POFUT2: variants seen among roughly 807,000 people sequenced by gnomAD.
POFUT2 encodes the protein protein O-fucosyltransferase 2, also known as GDP-fucose protein O-fucosyltransferase 2.
POFUT2 carries 30 observed loss-of-function variants against 55.0 expected under a neutral mutation model. That is an observed-to-expected ratio of 0.55 (90% confidence interval 0.41 to 0.74). The LOEUF is 0.74. POFUT2 is among the 30% of genes least tolerant of loss of function. POFUT2 has a pLI of 0.00. For missense variants in POFUT2, 524 were observed against 562.6 expected, an observed-to-expected ratio of 0.93 and a Z score of 0.69; for synonymous variants, 267 against 231.1, an observed-to-expected ratio of 1.16 and a Z score of -1.41.
At chr21:45,279,448 A>G (rs1324695206) in intron 4 of POFUT2, among the ~76,000 whole-genome samples, 1 of 152,232 alleles carries the variant, frequency 6.6e-6, no homozygotes, top group Non-Finnish European at 1.5e-5. Context: ...ACAGAGAAAA[A>G]ATGAGCAACA....
At chr21:45,287,224 C>T (rs1321400700) in intron 1 of POFUT2, among the ~76,000 whole-genome samples, 3 of 131,542 alleles carry the variant, frequency 2.3e-5, no homozygotes, top group African/African-American at 5.8e-5. Flanking sequence ...TGCCCCTGTC[C>T]CGTCCCCGTC....
rs2093269860 is a variant in POFUT2, at chr21:45,276,932, G to A, written c.831+85C>T. On this transcript the variant is annotated intron_variant, in intron 6 of 8. Coordinates refer to ENST00000349485, the MANE Select transcript of POFUT2 (RefSeq NM_133635.6). ...CGCCCACAGACACGCCAACCCTGCT[G>A]TGACTTTACATGGAAGGCCTGAGTG... 6 of 1,465,610 alleles carry A rather than the reference G, an allele frequency of 4.1e-6. 1 individual carries two copies. The South Asian group carries it at 6.1e-5, about 15-fold the overall frequency. 90.8% of individuals were successfully genotyped at this position (1,465,610 alleles called of 1,614,324 possible).
chr21:45,286,772 C>G lies in POFUT2; in HGVS notation c.132-844G>C, dbSNP rs527588170. Among the ~76,000 whole-genome samples, 9 of 152,386 alleles carry G rather than the reference C, an allele frequency of 5.9e-5. No individual in the cohort carries two copies. In the South Asian group the frequency reaches 1.0e-3, roughly 18 times the overall value. On this transcript the variant is annotated intron_variant, in intron 1 of 8. Coordinates refer to ENST00000349485, the MANE Select transcript of POFUT2 (RefSeq NM_133635.6). The stretch of plus-strand genomic sequence containing the variant: ...CTGCTCTGCGCTGGTTTTCCATACT[C>G]CCATCGTCGCGAGTGAAGCTGCGTG...
At position 45,270,637 on chromosome 21, in the gene POFUT2, C is replaced by G. The variant is rs578040227; in HGVS notation, c.832-618G>C. ...ACAAAACTACAACCAAGGACCCCCC[C>G]AGAGTCCACTTCACTCCCCCGCCAC... On this transcript the variant is annotated intron_variant, in intron 6 of 8. Coordinates refer to ENST00000349485, the MANE Select transcript of POFUT2 (RefSeq NM_133635.6). The surrounding 1 kb of genome is among the most constrained non-coding windows in gnomAD (Gnocchi z 4.6). Among the ~76,000 whole-genome samples the G allele has an allele frequency of 6.6e-6, 1 of 152,354 alleles. No individual in the cohort carries two copies. Among genetic ancestry groups the G allele is most frequent in the South Asian group, 2.1e-4 (1 of 4,828 alleles).
rs777339128 is a variant in POFUT2 at position 45,269,858 on chromosome 21, G to C, written c.993C>G (p.Ala331=). Reference sequence around the variant, plus strand: ...CCATACCCTTTCTGACGGCATCTGTGGCCACAAACACCTTGTCCAGCCGGT... The same window carrying C: ...CCATACCCTTTCTGACGGCATCTGTCGCCACAAACACCTTGTCCAGCCGGT... The part of the protein sequence containing the change: ...KTHRLDKVFV[A]TDAVRKEYEE... Residue 331 remains alanine (A), a synonymous_variant, in exon 7 of 9, where the codon GCC becomes GCG. Transcript: ENST00000349485. 45 of 1,605,376 alleles carry C rather than the reference G, an allele frequency of 2.8e-5. No homozygotes were observed. The highest frequency in any genetic ancestry group is 3.5e-5 in the Admixed American group (2 of 57,248).
rs1456692099 is a variant in POFUT2, at chr21:45,284,633, C to T, written c.382+1045G>A. Reference sequence around the variant, plus strand: ...TGGATGCCCAAGGCCCAGACCTGTCCGCTTCCCTGTCAGGAAACCCACTGG... The same window carrying T: ...TGGATGCCCAAGGCCCAGACCTGTCTGCTTCCCTGTCAGGAAACCCACTGG... On this transcript the variant is annotated intron_variant, in intron 2 of 8. Transcript: ENST00000349485. The surrounding 1 kb of genome is among the most constrained non-coding windows in gnomAD (Gnocchi z 5.8). Among the ~76,000 whole-genome samples, 3 of 152,178 alleles carry T rather than the reference C, an allele frequency of 2.0e-5. No homozygotes were observed. Among genetic ancestry groups the T allele is most frequent in the Admixed American group, 6.5e-5 (1 of 15,278 alleles).
chr21:45,282,269 G>A lies in POFUT2; in HGVS notation c.638+80C>T. ...GGTGGGCCAGGGATGCGGGAGTATGGGCGGAGAGCCCCCAGCCCAGCATGC... is the reference window on the plus strand; with the variant it reads ...GGTGGGCCAGGGATGCGGGAGTATGAGCGGAGAGCCCCCAGCCCAGCATGC... On this transcript the variant is annotated intron_variant, in intron 4 of 8. Coordinates refer to ENST00000349485, the MANE Select transcript of POFUT2 (RefSeq NM_133635.6). The surrounding 1 kb of genome is among the most constrained non-coding windows in gnomAD (Gnocchi z 4.6). 1 of 929,860 alleles carries A rather than the reference G, an allele frequency of 1.1e-6. No homozygotes were observed. The highest frequency in any genetic ancestry group is 1.7e-6 in the Non-Finnish European group (1 of 579,998). The allele number at this position is 929,860 out of a possible 1,614,324, so 57.6% of individuals were successfully genotyped here.
chr21:45,274,693 A>G (rs965903009), intron 6 of POFUT2, among the ~76,000 whole-genome samples: 1 of 152,250 alleles, frequency 6.6e-6, no homozygotes, highest in Non-Finnish European at 1.5e-5. Context: ...CAAAGCAAAC[A>G]AAAACATAAA....
chr21:45,278,207 G>C lies in POFUT2; in HGVS notation c.639-38C>G, dbSNP rs775017198. 5 of 1,538,446 alleles carry C rather than the reference G, an allele frequency of 3.3e-6. No individual in the cohort carries two copies. In the South Asian group the frequency reaches 4.5e-5, roughly 14 times the overall value. On this transcript the variant is annotated intron_variant, in intron 4 of 8. Transcript: ENST00000349485. The stretch of plus-strand genomic sequence containing the variant: ...AACAGAAGAATAAACAGTTATAAGA[G>C]TTAAGGATGATGACATTCACACTCT...
In POFUT2 at chr21:45,284,348, C is replaced by G. The variant is rs114428891; in HGVS notation, c.383-821G>C. On this transcript the variant is annotated intron_variant, in intron 2 of 8. Transcript: ENST00000349485. This position sits in a 1 kb window ranked among gnomAD's most constrained non-coding sequence, Gnocchi z 5.8. ...GCCTAAGGGCCTGAGGCCACAGCTG[C>G]GGGGGCTTCTTTTAGGCTAGTGGGA... Among the ~76,000 whole-genome samples, 3,172 of 152,264 alleles carry G rather than the reference C, an allele frequency of 0.021. 121 individuals are homozygous for G. Among genetic ancestry groups the G allele is most frequent in the African/African-American group, 0.072 (2,997 of 41,518 alleles).
rs895513218 is a variant in POFUT2 at position 45,264,738 on chromosome 21, T to C, written c.*744A>G. 6.9e-6 allele frequency: 1 copy of C among 144,282 alleles called. No individual in the cohort carries two copies. Among genetic ancestry groups the C allele is most frequent in the African/African-American group, 2.6e-5 (1 of 38,612 alleles). The allele number at this position is 144,282 out of a possible 1,614,324, so 8.9% of individuals were successfully genotyped here. On this transcript the variant is annotated 3_prime_UTR_variant, in exon 9 of 9. Coordinates refer to ENST00000349485, the MANE Select transcript of POFUT2 (RefSeq NM_133635.6). ...GAGGGGTGGCCAGTGGGGGCGAGGGTGGGTGGCCAGCCGGGCCTGGTGTGA... is the reference window on the plus strand; with the variant it reads ...GAGGGGTGGCCAGTGGGGGCGAGGGCGGGTGGCCAGCCGGGCCTGGTGTGA...
rs1407322482 is a variant in POFUT2 at position 45,287,867 on chromosome 21, G to A, written c.5C>T (p.Ala2Val). Reference sequence around the variant, plus strand: ...CAGCAGGAAGACGAAGCTGAGTGTCGCCATGGCCCCGGGCGGCCACGCACT... The same window carrying A: ...CAGCAGGAAGACGAAGCTGAGTGTCACCATGGCCCCGGGCGGCCACGCACT... M[A>V]TLSFVFLLLG... The change falls in exon 1 of 9, where the codon GCG becomes GTG. Residue 2 changes from alanine to valine, a missense_variant. Physicochemically the swap from Ala to Val is moderately conservative, Grantham distance 64. This residue lies in a region of POFUT2 where 274 missense variants were observed against 244.4 expected (regional missense o/e 1.12). Coordinates refer to ENST00000349485, the MANE Select transcript of POFUT2 (RefSeq NM_133635.6). 8.0e-6 allele frequency: 11 copies of A among 1,373,338 alleles called. No homozygotes were observed. The highest frequency in any genetic ancestry group is 2.3e-4 in the Middle Eastern group (1 of 4,280). 85.1% of individuals were successfully genotyped at this position (1,373,338 alleles called of 1,614,324 possible). A position where few individuals can be genotyped will look rare whatever the true frequency, so the allele number is the denominator to read the frequency against.
intron 7 of POFUT2, among the ~76,000 whole-genome samples, chr21:45,268,074 G>A (rs1307153717): frequency 2.0e-5 from 3 of 152,132 alleles, no homozygotes; most frequent in African/African-American, 4.8e-5. Context: ...CTGCCATCTC[G>A]GCTCACTGCA....
Position 45,277,174 on chromosome 21 carries a change from A to C in POFUT2, c.706-32T>G. 6.2e-7 allele frequency: 1 copy of C among 1,602,162 alleles called. No individual in the cohort carries two copies. Among genetic ancestry groups the C allele is most frequent in the Non-Finnish European group, 8.5e-7 (1 of 1,176,464 alleles). On this transcript the variant is annotated intron_variant, in intron 5 of 8. Coordinates refer to ENST00000349485, the MANE Select transcript of POFUT2 (RefSeq NM_133635.6). This position sits in a 1 kb window ranked among gnomAD's most constrained non-coding sequence, Gnocchi z 6.9. ...AAACGGCGACGGCTCGGCTGAGAACACGCCCGCCCGCCACGCAGCCCTCCC... is the reference window on the plus strand; with the variant it reads ...AAACGGCGACGGCTCGGCTGAGAACCCGCCCGCCCGCCACGCAGCCCTCCC...
chr21:45,276,133 G>C (rs1220496093), intron 6 of POFUT2, among the ~76,000 whole-genome samples: 1 of 152,078 alleles, frequency 6.6e-6, no homozygotes, highest in South Asian at 2.1e-4. Context: ...AGGTTGCAGT[G>C]AGCTGAGATC....
Position 45,282,238 on chromosome 21 carries a change from G to A in POFUT2, c.638+111C>T, listed in dbSNP as rs751554188. The A allele has an allele frequency of 8.2e-5, 60 of 735,952 alleles. No homozygotes were observed. Among genetic ancestry groups the A allele is most frequent in the Non-Finnish European group, 1.3e-4 (57 of 427,364 alleles). The allele number at this position is 735,952 out of a possible 1,614,324, so 45.6% of individuals were successfully genotyped here. ...AGGGCCCCCAGGGTCCGCTGTCTGT[G>A]AGGTGGGTGGGCCAGGGATGCGGGA... is the stretch of plus-strand genomic sequence containing the variant. On this transcript the variant is annotated intron_variant, in intron 4 of 8. Transcript: ENST00000349485. The surrounding 1 kb of genome is among the most constrained non-coding windows in gnomAD (Gnocchi z 4.6).
rs763832357 is a variant in POFUT2, at chr21:45,267,439, G to C, written c.1136+151C>G. ...AGCCCAGGGAAACACTGAACCAGAT[G>C]CTACAGGAGACTCAGACGAGGAGGC... On this transcript the variant is annotated intron_variant, in intron 8 of 8. Transcript: ENST00000349485. This position sits in a 1 kb window ranked among gnomAD's most constrained non-coding sequence, Gnocchi z 4.4. The C allele has an allele frequency of 1.9e-6, 3 of 1,612,904 alleles. No homozygotes were observed. Among genetic ancestry groups the C allele is most frequent in the Non-Finnish European group, 2.5e-6 (3 of 1,179,110 alleles).
chr21:45,278,904 C>T (rs1029272413), intron 4 of POFUT2, among the ~76,000 whole-genome samples: 2 of 152,146 alleles, frequency 1.3e-5, no homozygotes. Flanking sequence ...GTGACTGTCA[C>T]GTTACCTAAT....
intron 1 of POFUT2, among the ~76,000 whole-genome samples, chr21:45,287,018 T>G (rs2031490179): frequency 6.6e-6 from 1 of 152,030 alleles, no homozygotes. Flanking sequence ...CAGCCCACGC[T>G]CAGCCTGAGC....
Sources: allele counts gnomAD v4.1 joint callset (sites outside exome capture counted in the v4.1 genomes callset), GRCh38; gene constraint gnomAD v4.1.1; regional missense constraint gnomAD v4.1.1; non-coding constraint Gnocchi (gnomAD v3.1); transcripts MANE v1.5; gene names NCBI Gene and HGNC (gene_info 2026-07-23, HGNC 2026-07-21).